GPHN: variants seen among roughly 807,000 people sequenced by gnomAD.
The protein encoded by GPHN is gephyrin.
GPHN carries 17 observed loss-of-function variants against 95.5 expected under a neutral mutation model. The observed-to-expected ratio is 0.18, with a 90% confidence interval of 0.12 to 0.27. The LOEUF (loss-of-function observed/expected upper bound fraction) is 0.27, where lower values mean the gene tolerates loss of function less well. Ranked by LOEUF, GPHN falls within the 10% of genes least tolerant of loss-of-function variation. The pLI, the probability that GPHN is intolerant of heterozygous loss-of-function variation, is 1.00. For synonymous variants in GPHN, 320 were observed against 322.5 expected, an observed-to-expected ratio of 0.99 and a Z score of 0.08; for missense variants, 660 against 978.1, an observed-to-expected ratio of 0.67 and a Z score of 4.34.
chr14:66,883,189 G>A (rs1198295801), intron 5 of GPHN, among the ~76,000 whole-genome samples: 1 of 151,618 alleles, frequency 6.6e-6, no homozygotes, highest in Non-Finnish European at 1.5e-5. Flanking sequence ...AAATCCCTGA[G>A]GCTCTGTTAA....
At chr14:67,645,177 CT>C in the GPHN span, among the ~76,000 whole-genome samples, 80 of 143,274 alleles carry the variant, frequency 5.6e-4, no homozygotes, top group Admixed American at 5.6e-4. Context: ...ACCTAGATTT[CT>C]TTTTTTTTTT....
chr14:67,528,637 A>C, the GPHN span, among the ~76,000 whole-genome samples: 1 of 152,122 alleles, frequency 6.6e-6, no homozygotes, highest in African/African-American at 2.4e-5. Flanking sequence ...CTCCCAACTC[A>C]GGTGCTCTTT....
chr14:66,616,736 C>G (rs552763490), intron 1 of GPHN, among the ~76,000 whole-genome samples: 1 of 151,946 alleles, frequency 6.6e-6, no homozygotes, highest in Non-Finnish European at 1.5e-5. Flanking sequence ...GACGGAGTCT[C>G]GCTATGTTGT....
At chr14:66,670,520 C>T (rs2153383970) in intron 1 of GPHN, among the ~76,000 whole-genome samples, 1 of 151,350 alleles carries the variant, frequency 6.6e-6, no homozygotes, top group East Asian at 1.9e-4. Flanking sequence ...CTGCCAGGTA[C>T]AGTGGCTCAT....
chr14:67,592,282 A>AG, the GPHN span: 1 of 410,470 alleles, frequency 2.4e-6, no homozygotes. Flanking sequence ...TAAAAATAAA[A>AG]AAAAAAAATT....
chr14:67,569,320 G>A, the GPHN span: 1 of 756,626 alleles, frequency 1.3e-6, no homozygotes, highest in Non-Finnish European at 2.3e-6. Context: ...AGGGTTGGCT[G>A]GCCTACCCTG....
intron 1 of GPHN, among the ~76,000 whole-genome samples, chr14:66,581,838 GAT>G: frequency 6.6e-6 from 1 of 152,032 alleles, no homozygotes; most frequent in South Asian, 2.1e-4. Flanking sequence ...TTATGAAGAA[GAT>G]ATAACAATTG....
chr14:67,135,898 A>G (rs910166739), intron 17 of GPHN, among the ~76,000 whole-genome samples: 6 of 152,074 alleles, frequency 3.9e-5, no homozygotes, highest in Non-Finnish European at 8.8e-5. Flanking sequence ...CTTTTGCACA[A>G]TCCTTGGAGA....
the GPHN span, among the ~76,000 whole-genome samples, chr14:67,362,503 C>G: frequency 3.3e-5 from 5 of 152,060 alleles, no homozygotes; most frequent in African/African-American, 1.2e-4. Flanking sequence ...CTCAGTAAAC[C>G]TGTGATGTAC....
At chr14:66,961,751 T>C (rs888613669) in intron 8 of GPHN, among the ~76,000 whole-genome samples, 3 of 150,952 alleles carry the variant, frequency 2.0e-5, no homozygotes, top group African/African-American at 7.3e-5. Context: ...AAATGAATAA[T>C]ACCAACAATG....
chr14:66,936,464 G>A (rs1456607675), intron 8 of GPHN, among the ~76,000 whole-genome samples: 1 of 152,048 alleles, frequency 6.6e-6, no homozygotes, highest in South Asian at 2.1e-4. Context: ...TCTAAGAATT[G>A]TAAACAATCG....
the GPHN span, among the ~76,000 whole-genome samples, chr14:67,469,245 C>G: frequency 3.9e-5 from 6 of 152,118 alleles, no homozygotes; most frequent in Non-Finnish European, 7.4e-5. Context: ...TTCTATAACC[C>G]AGCTGTGACA....
At chr14:66,860,171 T>A (rs767356425) in intron 4 of GPHN, among the ~76,000 whole-genome samples, 1 of 152,046 alleles carries the variant, frequency 6.6e-6, no homozygotes, top group Non-Finnish European at 1.5e-5. Flanking sequence ...TCAAGGCATG[T>A]GAATAATTAA....
the GPHN span, among the ~76,000 whole-genome samples, chr14:67,671,275 T>G: frequency 7.2e-4 from 109 of 152,220 alleles, no homozygotes; most frequent in African/African-American, 2.6e-3. Flanking sequence ...CCTGTAATCC[T>G]AGCACTTTGG....
At chr14:67,717,943 A>C in the GPHN span, 1 of 152,180 alleles carries the variant, frequency 6.6e-6, no homozygotes, top group African/African-American at 2.4e-5. Context: ...ATTAAGAGTA[A>C]GGGTTGCTGA....
intron 10 of GPHN, among the ~76,000 whole-genome samples, chr14:67,050,160 A>G (rs1184826830): frequency 1.3e-5 from 2 of 152,264 alleles, no homozygotes; most frequent in Non-Finnish European, 2.9e-5. Context: ...ATCATGGTAT[A>G]CACCATGCAT....
intron 1 of GPHN, among the ~76,000 whole-genome samples, chr14:66,545,216 C>G (rs2059507650): frequency 6.7e-6 from 1 of 150,106 alleles, no homozygotes; most frequent in Admixed American, 6.6e-5. Flanking sequence ...GGCTGACCCC[C>G]CCACCTCCCT....
At chr14:67,499,003 A>ATTTATTTATTTATTAG in the GPHN span, among the ~76,000 whole-genome samples, 1 of 145,040 alleles carries the variant, frequency 6.9e-6, no homozygotes, top group East Asian at 2.1e-4. Context: ...TTATTTATTT[A>ATTTATTTATTTATTAG]TTAGTTATTT....
intron 1 of GPHN, among the ~76,000 whole-genome samples, chr14:66,612,876 T>C (rs1261251716): frequency 6.6e-6 from 1 of 152,158 alleles, no homozygotes; most frequent in Non-Finnish European, 1.5e-5. Context: ...CTTGGAACAA[T>C]AGTCCATTCC....
Sources: allele counts gnomAD v4.1 joint callset (sites outside exome capture counted in the v4.1 genomes callset), GRCh38; gene constraint gnomAD v4.1.1; transcripts MANE v1.5; gene names NCBI Gene and HGNC (gene_info 2026-07-23, HGNC 2026-07-21).